PSMA1: variants seen among roughly 807,000 people sequenced by gnomAD.
PSMA1 encodes proteasome 20S subunit alpha 1, also known as proteasome subunit alpha type-1.
Under a neutral mutation model 38.4 loss-of-function variants are expected in PSMA1, and 3 were observed. The ratio of observed to expected loss-of-function variants is 0.08; its 90% CI spans 0.04 to 0.20. The LOEUF is 0.20. Ranked by LOEUF, PSMA1 falls within the 10% of genes least tolerant of loss-of-function variation. The pLI is 1.00. For synonymous variants in PSMA1, 101 were observed against 107.1 expected (o/e 0.94, Z 0.35); for missense variants, 227 against 325.3 (o/e 0.70, Z 2.32).
rs149876223 is a variant in PSMA1 at position 14,574,739 on chromosome 11, A to G, written c.21+36227T>C. On this transcript the variant is annotated intron_variant, in intron 2 of 10. Transcript: ENST00000418988. ...AGACATGTTTGCTTCCCCTTCCACA[A>G]TAATTATAAGTTTCCTGAGGCCTCC... Among the ~76,000 whole-genome samples the G allele has an allele frequency of 5.3e-5, 8 of 152,240 alleles. No homozygotes were observed. The East Asian group carries it at 1.5e-3, about 29-fold the overall frequency.
At chr11:14,579,731 C>T (rs1473143175) in intron 2 of PSMA1, among the ~76,000 whole-genome samples, 1 of 152,044 alleles carries the variant, frequency 6.6e-6, no homozygotes, top group Admixed American at 6.6e-5. Flanking sequence ...AATGCTAGTT[C>T]CCCTAGAAAC....
At chr11:14,578,034 T>C (rs760368950) in intron 2 of PSMA1, among the ~76,000 whole-genome samples, 1 of 129,130 alleles carries the variant, frequency 7.7e-6, no homozygotes, top group Non-Finnish European at 1.6e-5. Flanking sequence ...TGAGAACACA[T>C]GGGCACAGGG....
At chr11:14,632,833 T>A (rs187333706) in intron 1 of PSMA1, among the ~76,000 whole-genome samples, 2 of 152,314 alleles carry the variant, frequency 1.3e-5, no homozygotes, top group East Asian at 3.9e-4. Context: ...TCTTTTCATA[T>A]TTCTTTTAAT....
chr11:14,537,616 TA>T (rs1447826332), intron 2 of PSMA1, among the ~76,000 whole-genome samples: 3 of 150,688 alleles, frequency 2.0e-5, no homozygotes, highest in African/African-American at 7.3e-5. Context: ...CTAATGTGAT[TA>T]ATTATAAATA....
intron 2 of PSMA1, among the ~76,000 whole-genome samples, chr11:14,569,374 G>A (rs187805570): frequency 6.6e-6 from 1 of 152,134 alleles, no homozygotes; most frequent in Non-Finnish European, 1.5e-5. Context: ...CGGACAGTGA[G>A]TGCAGCCCAC....
Position 14,598,994 on chromosome 11 carries a change from T to C in PSMA1, c.21+11972A>G, listed in dbSNP as rs1405374841. On this transcript the variant is annotated intron_variant, in intron 2 of 10. Transcript: ENST00000418988. Reference sequence around the variant, plus strand: ...AAGGATCTTATTTCTCCTTCACTTATGAAGCTTAGTTTGGCTGGATATGAA... The same window carrying C: ...AAGGATCTTATTTCTCCTTCACTTACGAAGCTTAGTTTGGCTGGATATGAA... Among the ~76,000 whole-genome samples, 3 of 152,162 alleles carry C rather than the reference T, an allele frequency of 2.0e-5. No individual in the cohort carries two copies. In the South Asian group the frequency reaches 6.2e-4, roughly 31 times the overall value.
intron 2 of PSMA1, among the ~76,000 whole-genome samples, chr11:14,541,038 T>C (rs921997828): frequency 6.6e-6 from 1 of 152,096 alleles, no homozygotes; most frequent in Non-Finnish European, 1.5e-5. Flanking sequence ...TGTATACATA[T>C]GTAACAAACC....
chr11:14,515,579 G>C (rs1851412346), intron 4 of PSMA1, among the ~76,000 whole-genome samples: 2 of 148,914 alleles, frequency 1.3e-5, no homozygotes, highest in African/African-American at 5.0e-5. Context: ...TTAATACTGA[G>C]TTTCGCTCTT....
At chr11:14,585,875 G>GAAAA (rs958058660) in intron 2 of PSMA1, among the ~76,000 whole-genome samples, 1 of 148,666 alleles carries the variant, frequency 6.7e-6, no homozygotes, top group Non-Finnish European at 1.5e-5. Context: ...GCAGTGGTCA[G>GAAAA]AAAAAAAAAA....
intron 2 of PSMA1, among the ~76,000 whole-genome samples, chr11:14,527,793 T>C (rs547123461): frequency 4.2e-4 from 64 of 152,176 alleles, no homozygotes; most frequent in Non-Finnish European, 8.2e-4. Flanking sequence ...CTCAGGCTCT[T>C]GGTATTCAGT....
chr11:14,569,714 C>T (rs557122199), intron 2 of PSMA1, among the ~76,000 whole-genome samples: 100 of 152,354 alleles, frequency 6.6e-4, no homozygotes, highest in African/African-American at 2.2e-3. Flanking sequence ...AGCCAGGAAG[C>T]TTGAACTGGG....
Position 14,636,054 on chromosome 11 carries a change from A to G in PSMA1, c.-166+7401T>C, listed in dbSNP as rs143416934. Among the ~76,000 whole-genome samples the G allele has an allele frequency of 6.0e-4, 92 of 152,338 alleles. 1 individual carries two copies. The East Asian group carries it at 0.017, about 28-fold the overall frequency. The stretch of plus-strand genomic sequence containing the variant: ...TATGTGTACTTTATATTGTATCAAT[A>G]AACTACTCAAATTTTCTTTTTACAC... On this transcript the variant is annotated intron_variant, in intron 1 of 10. Transcript: ENST00000418988.
At chr11:14,603,680 T>C (rs533006627) in intron 2 of PSMA1, among the ~76,000 whole-genome samples, 108 of 152,378 alleles carry the variant, frequency 7.1e-4, no homozygotes, top group African/African-American at 2.6e-3. Context: ...TTAGGCTTAC[T>C]AAAAGCAGCA....
At chr11:14,510,318 T>C (rs1851323817) in intron 8 of PSMA1, among the ~76,000 whole-genome samples, 1 of 152,220 alleles carries the variant, frequency 6.6e-6, no homozygotes, top group Non-Finnish European at 1.5e-5. Flanking sequence ...CCTTTATATC[T>C]TTTCCTCAAA....
chr11:14,509,553 G>A (rs1167021253), intron 8 of PSMA1, among the ~76,000 whole-genome samples: 2 of 148,022 alleles, frequency 1.4e-5, no homozygotes, highest in East Asian at 2.0e-4. Flanking sequence ...TGCATGCACC[G>A]CCACGCCCGG....
At chr11:14,591,841 C>T (rs1242585725) in intron 2 of PSMA1, among the ~76,000 whole-genome samples, 4 of 152,158 alleles carry the variant, frequency 2.6e-5, no homozygotes, top group Admixed American at 2.6e-4. Flanking sequence ...CAGGCTGCCC[C>T]AGCCAGCAGT....
At chr11:14,585,809 T>C (rs149435828) in intron 2 of PSMA1, among the ~76,000 whole-genome samples, 188 of 152,320 alleles carry the variant, frequency 1.2e-3, no homozygotes, top group African/African-American at 4.2e-3. Context: ...CAGAGAGCTC[T>C]TGAACAGTTT....
intron 2 of PSMA1, among the ~76,000 whole-genome samples, chr11:14,605,462 C>A (rs1292491296): frequency 6.6e-6 from 1 of 152,182 alleles, no homozygotes; most frequent in Non-Finnish European, 1.5e-5. Context: ...TGGCTCACTG[C>A]AGCCTCAATC....
intron 2 of PSMA1, among the ~76,000 whole-genome samples, chr11:14,543,528 TTTC>T (rs1449633943): frequency 3.3e-5 from 5 of 152,066 alleles, no homozygotes; most frequent in African/African-American, 9.7e-5. Context: ...CTTGATTTGG[TTTC>T]TTTTTTTTTT....
Sources: gnomAD v4.1 joint callset for allele counts (sites outside exome capture counted in the v4.1 genomes callset) on GRCh38, gnomAD v4.1.1 for gene constraint, MANE v1.5 for transcripts, NCBI Gene and HGNC (gene_info 2026-07-23, HGNC 2026-07-21) for gene names.